The following FYN variants were observed in gnomAD, a reference collection of about 807,000 sequenced individuals.
The protein encoded by FYN is FYN proto-oncogene, Src family tyrosine kinase.
In FYN, 10 loss-of-function variants were observed where a neutral mutation model predicts 70.2. That is an observed-to-expected ratio of 0.14 (90% confidence interval 0.09 to 0.24). The LOEUF (loss-of-function observed/expected upper bound fraction) is 0.24. FYN is among the 10% of genes least tolerant of loss of function. The probability of loss-of-function intolerance (pLI) is 1.00; values close to 1 mark genes in which losing one functional copy is unlikely to be tolerated. For synonymous variants in FYN, 236 were observed against 248.6 expected (o/e 0.95, Z 0.48); for missense variants, 319 against 673.1 (o/e 0.47, Z 5.82).
rs570474017 is a variant in FYN at position 111,755,321 on chromosome 6, G to A, written c.-12+25245C>T. Among the ~76,000 whole-genome samples, 21 of 152,240 alleles carry A rather than the reference G, an allele frequency of 1.4e-4. No individual in the cohort carries two copies. The East Asian group carries it at 4.0e-3, about 29-fold the overall frequency. ...AAAATAAAAAAAACCAGTATTTTGA[G>A]GGAAACTGGATAATGCCAATGGAAA... On this transcript the variant is annotated intron_variant, in intron 3 of 13. Coordinates refer to ENST00000354650, the MANE Select transcript of FYN (RefSeq NM_002037.5).
chr6:111,801,828 G>A (rs1417260746), intron 2 of FYN, among the ~76,000 whole-genome samples: 5 of 152,144 alleles, frequency 3.3e-5, no homozygotes, highest in African/African-American at 1.2e-4. Flanking sequence ...TGAGAAAATG[G>A]CTTTGCCTCC....
At chr6:111,686,375 G>A (rs974613488) in intron 12 of FYN, among the ~76,000 whole-genome samples, 1 of 152,160 alleles carries the variant, frequency 6.6e-6, no homozygotes, top group African/African-American at 2.4e-5. Context: ...TCAGCTCAGC[G>A]GGAAAGCCGT....
intron 3 of FYN, among the ~76,000 whole-genome samples, chr6:111,732,553 A>C (rs1450357768): frequency 1.3e-5 from 2 of 152,154 alleles, no homozygotes; most frequent in Non-Finnish European, 2.9e-5. Flanking sequence ...CTGTCCCACC[A>C]AATCCACCCC....
intron 2 of FYN, among the ~76,000 whole-genome samples, chr6:111,807,212 C>T (rs1442099277): frequency 1.3e-5 from 2 of 152,152 alleles, no homozygotes; most frequent in African/African-American, 4.8e-5. Context: ...CATTTCATAT[C>T]TTGAGTTGTA....
intron 3 of FYN, among the ~76,000 whole-genome samples, chr6:111,747,641 G>T (rs868431041): frequency 2.0e-5 from 3 of 152,268 alleles, no homozygotes; most frequent in Middle Eastern, 6.8e-3. Flanking sequence ...CATTGGAAGT[G>T]ATGTTGGTTT....
At chr6:111,797,553 ATAAAT>A (rs997292372) in intron 2 of FYN, among the ~76,000 whole-genome samples, 6 of 150,778 alleles carry the variant, frequency 4.0e-5, no homozygotes, top group African/African-American at 1.2e-4. Flanking sequence ...GAATGGTTAA[ATAAAT>A]TAGTCTGCTC....
At chr6:111,844,779 G>A (rs1019539935) in intron 2 of FYN, 1 of 152,184 alleles carries the variant, frequency 6.6e-6, no homozygotes, top group African/African-American at 2.4e-5. Context: ...GGTCTTACCT[G>A]GCATTCTTTA....
chr6:111,837,120 C>T (rs1773211865), intron 2 of FYN, among the ~76,000 whole-genome samples: 1 of 152,184 alleles, frequency 6.6e-6, no homozygotes, highest in Non-Finnish European at 1.5e-5. Flanking sequence ...TCACTGCGGT[C>T]ACCATAACGA....
At chr6:111,858,911 T>C (rs949177989) in intron 1 of FYN, among the ~76,000 whole-genome samples, 4 of 151,798 alleles carry the variant, frequency 2.6e-5, no homozygotes, top group Non-Finnish European at 5.9e-5. Context: ...TATATCATTA[T>C]ATATTTATAT....
At chr6:111,839,842 G>T (rs996226401) in intron 2 of FYN, among the ~76,000 whole-genome samples, 3 of 152,134 alleles carry the variant, frequency 2.0e-5, no homozygotes, top group Non-Finnish European at 4.4e-5. Context: ...AAAGCGGAAG[G>T]TGTGGGCTAG....
rs193024530 is a variant in FYN at position 111,712,764 on chromosome 6, G to C, written c.344+1583C>G. On this transcript the variant is annotated intron_variant, in intron 5 of 13. Transcript: ENST00000354650. Reference sequence around the variant, plus strand: ...TTAAAAACTTCCTGTGGCTACAGGAGGAGGACTCCTGGGGGGCAGGTAACA... The same window carrying C: ...TTAAAAACTTCCTGTGGCTACAGGACGAGGACTCCTGGGGGGCAGGTAACA... Among the ~76,000 whole-genome samples, 286 of 152,322 alleles carry C rather than the reference G, an allele frequency of 1.9e-3. 1 individual carries two copies. The highest frequency in any genetic ancestry group is 6.5e-3 in the African/African-American group (269 of 41,566).
At chr6:111,714,045 A>C (rs1385449445) in intron 5 of FYN, among the ~76,000 whole-genome samples, 1 of 152,234 alleles carries the variant, frequency 6.6e-6, no homozygotes, top group Admixed American at 6.5e-5. Context: ...TTGTAGAAAC[A>C]CTCAGGGCTG....
At chr6:111,672,873 C>T (rs1052272620) in intron 13 of FYN, among the ~76,000 whole-genome samples, 5 of 152,102 alleles carry the variant, frequency 3.3e-5, no homozygotes, top group African/African-American at 1.2e-4. Flanking sequence ...AAAACCAAAC[C>T]TGACAAAAGA....
At chr6:111,780,202 C>A (rs1459192610) in intron 3 of FYN, among the ~76,000 whole-genome samples, 1 of 152,138 alleles carries the variant, frequency 6.6e-6, no homozygotes, top group African/African-American at 2.4e-5. Flanking sequence ...ATGGGTCACA[C>A]GGATCTCTCT....
intron 3 of FYN, among the ~76,000 whole-genome samples, chr6:111,759,416 T>C (rs1207058568): frequency 6.6e-6 from 1 of 152,174 alleles, no homozygotes; most frequent in African/African-American, 2.4e-5. Context: ...GAATGGCATT[T>C]TTCCTGCTCA....
chr6:111,775,723 C>A (rs565837691), intron 3 of FYN, among the ~76,000 whole-genome samples: 2 of 152,280 alleles, frequency 1.3e-5, no homozygotes, highest in East Asian at 3.9e-4. Context: ...AATAAAGTCA[C>A]ACACCCACCA....
chr6:111,676,758 C>T (rs1235200483), intron 12 of FYN, among the ~76,000 whole-genome samples: 1 of 152,180 alleles, frequency 6.6e-6, no homozygotes, highest in Admixed American at 6.6e-5. Flanking sequence ...GCAGACAAAT[C>T]CTGTAAATAA....
At position 111,693,332 on chromosome 6, in the gene FYN, G is replaced by A. The variant is rs560983939; in HGVS notation, c.1273+1043C>T. On this transcript the variant is annotated intron_variant, in intron 12 of 13. Coordinates refer to ENST00000354650, the MANE Select transcript of FYN (RefSeq NM_002037.5). ...TGTAATACATTCCAGTCACTGCTCC[G>A]CTTTGCTTGGGATGACTAGGCTTTG... Among the ~76,000 whole-genome samples, 6 of 152,182 alleles carry A rather than the reference G, an allele frequency of 3.9e-5. No homozygotes were observed. The South Asian group carries it at 1.2e-3, about 32-fold the overall frequency.
At chr6:111,784,297 A>C (rs1771284371) in intron 2 of FYN, among the ~76,000 whole-genome samples, 1 of 152,174 alleles carries the variant, frequency 6.6e-6, no homozygotes, top group South Asian at 2.1e-4. Context: ...TGGGTTTTCA[A>C]TTACCTGCAG....
Sources: allele counts gnomAD v4.1 joint callset (sites outside exome capture counted in the v4.1 genomes callset), GRCh38; gene constraint gnomAD v4.1.1; transcripts MANE v1.5; gene names NCBI Gene and HGNC (gene_info 2026-07-23, HGNC 2026-07-21).